The following ZNF257 variants were observed in gnomAD, a reference collection of about 807,000 sequenced individuals.
The protein encoded by ZNF257 is zinc finger protein 257, also known as bone marrow zinc finger 4.
Under a neutral mutation model 11.9 loss-of-function variants are expected in ZNF257, and 12 were observed. The observed-to-expected ratio is 1.01, with a 90% CI of 0.65 to 1.63. ZNF257 has a LOEUF of 1.63. Among genes scored for constraint, ZNF257 ranks in the 40% most tolerant of loss-of-function variants. ZNF257 has a pLI of 0.00. For missense variants in ZNF257, 580 were observed against 665.5 expected, an observed-to-expected ratio of 0.87 and a Z score of 1.41; for synonymous variants, 183 against 222.7, an observed-to-expected ratio of 0.82 and a Z score of 1.59.
chr19:22,073,022 T>G, intron 2 of ZNF257, 87 bp downstream of exon 2: 1 of 1,352,290 alleles, frequency 7.4e-7, no homozygotes, highest in Non-Finnish European at 9.8e-7. Flanking sequence ...TGTTTTTTGG[T>G]AATTTGGTAA....
At chr19:22,075,254 G>A in intron 3 of ZNF257, 1 of 164,984 alleles carries the variant, frequency 6.1e-6, no homozygotes, top group Admixed American at 6.3e-5. Context: ...AGACACTAGG[G>A]CAGGTTTTTG....
chr19:22,069,416 C>G (rs1394063352), intron 1 of ZNF257, among the ~76,000 whole-genome samples: 1 of 152,072 alleles, frequency 6.6e-6, no homozygotes, highest in East Asian at 1.9e-4. Flanking sequence ...AGTTCGAGAC[C>G]AGCCTGGCCA....
intron 3 of ZNF257, among the ~76,000 whole-genome samples, chr19:22,085,711 A>ACAC (rs578103555): frequency 2.0e-5 from 3 of 148,236 alleles, no homozygotes; most frequent in Admixed American, 1.3e-4. Context: ...CACACACACA[A>ACAC]ACACGCAAAC....
At chr19:22,076,192 A>G (rs2022219701) in intron 3 of ZNF257, among the ~76,000 whole-genome samples, 1 of 151,504 alleles carries the variant, frequency 6.6e-6, no homozygotes, top group South Asian at 2.1e-4. Context: ...TCTAGCCTAT[A>G]TCTAAACAAT....
chr19:22,081,869 T>C (rs1439172342), intron 3 of ZNF257, among the ~76,000 whole-genome samples: 1 of 152,168 alleles, frequency 6.6e-6, no homozygotes, highest in East Asian at 1.9e-4. Flanking sequence ...GAAATGTTTC[T>C]ATTACCAGTT....
At chr19:22,078,792 CT>C (rs376822565) in intron 3 of ZNF257, among the ~76,000 whole-genome samples, 1,693 of 132,956 alleles carry the variant, frequency 0.013, 19 homozygotes, top group African/African-American at 0.043. Flanking sequence ...TTCTTTCTTT[CT>C]TTTTTTTTTT....
chr19:22,086,601 C>T (rs930154279), intron 3 of ZNF257, among the ~76,000 whole-genome samples: 3 of 151,472 alleles, frequency 2.0e-5, no homozygotes, highest in African/African-American at 7.3e-5. Flanking sequence ...CTATATAGGC[C>T]ATATGCAGTG....
chr19:22,088,693 C>T lies in ZNF257; in HGVS notation c.943C>T (p.Pro315Ser). 6.2e-7 allele frequency: 1 copy of T among 1,611,860 alleles called. No homozygotes were observed. Among genetic ancestry groups the T allele is most frequent in the African/African-American group, 1.3e-5 (1 of 74,230 alleles). Residue 315 changes from proline to serine, a missense_variant, in exon 4 of 4, where the codon CCC becomes TCC. Coordinates refer to ENST00000594947, the MANE Select transcript of ZNF257 (RefSeq NM_033468.4). ...TAAGAGAATTCATACTGGAGAGAAA[C>T]CCTACAAATGTGAAGAGTGTGGCAA... Reference protein sequence around the residue: ...QHKRIHTGEKPYKCEECGKAF... With the variant: ...QHKRIHTGEKSYKCEECGKAF...
intron 3 of ZNF257, among the ~76,000 whole-genome samples, chr19:22,084,564 T>C (rs530620756): frequency 1.3e-3 from 204 of 152,228 alleles, no homozygotes; most frequent in Middle Eastern, 3.4e-3. Context: ...AATCTGTAGA[T>C]TACATTAAAC....
intron 3 of ZNF257, among the ~76,000 whole-genome samples, chr19:22,079,815 G>A (rs371615732): frequency 3.9e-4 from 59 of 152,174 alleles, no homozygotes; most frequent in African/African-American, 1.4e-3. Context: ...AGGTTGTATT[G>A]ACACCTTTGA....
chr19:22,080,640 A>C (rs1407392030), intron 3 of ZNF257, among the ~76,000 whole-genome samples: 2 of 151,934 alleles, frequency 1.3e-5, no homozygotes, highest in African/African-American at 4.8e-5. Context: ...ATTCAAAATA[A>C]TTTATACAGT....
Position 22,073,565 on chromosome 19 carries a change from G to A in ZNF257, c.226+1G>A. On this transcript the variant is annotated splice_donor_variant, in intron 3 of 3. Coordinates refer to ENST00000594947, the MANE Select transcript of ZNF257 (RefSeq NM_033468.4). LOFTEE classifies it high-confidence loss of function. ...CATGAGATGGTAGCCAAACCCCCAG[G>A]TAGGTGAGAGTGAAAGCCAGTACAA... 3 of 1,609,598 alleles carry A rather than the reference G, an allele frequency of 1.9e-6. No individual in the cohort carries two copies. The highest frequency in any genetic ancestry group is 2.2e-5 in the South Asian group (2 of 90,530).
intron 1 of ZNF257, among the ~76,000 whole-genome samples, chr19:22,062,346 G>A (rs982731834): frequency 2.7e-5 from 4 of 149,866 alleles, no homozygotes; most frequent in Middle Eastern, 7.1e-3. Context: ...GGCTGGTCTT[G>A]AACTCTTGAC....
chr19:22,063,636 T>C (rs1246147536), intron 1 of ZNF257, among the ~76,000 whole-genome samples: 1 of 152,212 alleles, frequency 6.6e-6, no homozygotes. Context: ...AAATGCGGGT[T>C]GTTTAATTTT....
Position 22,088,107 on chromosome 19 carries a change from T to G in ZNF257, c.357T>G (p.Ser119Arg). 6.2e-7 allele frequency: 1 copy of G among 1,609,886 alleles called. No individual in the cohort carries two copies. Among genetic ancestry groups the G allele is most frequent in the Non-Finnish European group, 8.5e-7 (1 of 1,177,240 alleles). ...TACAATTAAGAAAGGGCTGTAAAAG[T>G]GTGGATGAGTGTAAGGTGTGCAAAG... ...ENLQLRKGCKSVDECKVCKGG... is the reference protein window; with the variant it reads ...ENLQLRKGCKRVDECKVCKGG... The change falls in exon 4 of 4, where the codon AGT becomes AGG. Residue 119 changes from serine (S) to arginine (R), a missense_variant. Physicochemically the swap from Ser to Arg is moderately radical, Grantham distance 110. Coordinates refer to ENST00000594947, the MANE Select transcript of ZNF257 (RefSeq NM_033468.4).
chr19:22,079,723 C>T (rs1035426061), intron 3 of ZNF257, among the ~76,000 whole-genome samples: 1 of 152,048 alleles, frequency 6.6e-6, no homozygotes, highest in African/African-American at 2.4e-5. Flanking sequence ...TGGGTGGGGA[C>T]ACAGCCAAAC....
chr19:22,072,411 T>G (rs1480348592), intron 1 of ZNF257, among the ~76,000 whole-genome samples: 1 of 152,104 alleles, frequency 6.6e-6, no homozygotes, highest in African/African-American at 2.4e-5. Flanking sequence ...GCTCTTTTAC[T>G]TAGTGGATGT....
At position 22,088,309 on chromosome 19, in the gene ZNF257, CAACT is replaced by C; in HGVS notation, c.564_567del (p.Thr189AspfsTer32). The stretch of plus-strand genomic sequence containing the variant: ...TGGCAAATCATTTTGCATGCTTTCA[CAACT>C]AACTCGACATAAGAGAATTCATATT... On this transcript the variant is annotated frameshift_variant, in exon 4 of 4. Transcript: ENST00000594947. LOFTEE classifies it low-confidence loss of function (END_TRUNC). 2 of 1,613,654 alleles carry C rather than the reference CAACT, an allele frequency of 1.2e-6. No individual in the cohort carries two copies. The highest frequency in any genetic ancestry group is 1.7e-6 in the Non-Finnish European group (2 of 1,179,770).
At chr19:22,055,447 C>T (rs1407263413) in intron 1 of ZNF257, among the ~76,000 whole-genome samples, 1 of 152,090 alleles carries the variant, frequency 6.6e-6, no homozygotes, top group East Asian at 1.9e-4. Flanking sequence ...CTCTGGTGAT[C>T]CACTCACCTC....
Sources: gnomAD v4.1 joint callset for allele counts (sites outside exome capture counted in the v4.1 genomes callset) on GRCh38, gnomAD v4.1.1 for gene constraint, MANE v1.5 for transcripts, NCBI Gene and HGNC (gene_info 2026-07-23, HGNC 2026-07-21) for gene names.